EPHX3: variants seen among roughly 807,000 people sequenced by gnomAD.
EPHX3 encodes abhydrolase domain containing 9.
EPHX3 carries 39 observed loss-of-function variants against 40.2 expected under a neutral mutation model. The ratio of observed to expected loss-of-function variants is 0.97; its 90% CI spans 0.75 to 1.27. EPHX3 has a LOEUF of 1.27. EPHX3 is among the 50% of genes most tolerant of loss of function. The probability of loss-of-function intolerance (pLI) is 0.00; values close to 1 mark genes in which losing one functional copy is unlikely to be tolerated. For missense variants in EPHX3, 442 were observed against 474.0 expected, an observed-to-expected ratio of 0.93 and a Z score of 0.63; for synonymous variants, 213 against 209.7, an observed-to-expected ratio of 1.02 and a Z score of -0.14.
upstream of EPHX3, chr19:15,236,569 C>T (rs1169396760): frequency 6.5e-6 from 1 of 153,528 alleles, no homozygotes; most frequent in African/African-American, 2.4e-5. Flanking sequence ...TGTCTGGAGT[C>T]TGGCCAGGGT....
In EPHX3 at chr19:15,227,440, G is replaced by T. The variant is rs199698308; in HGVS notation, c.1080C>A (p.Asp360Glu). 3 of 1,613,656 alleles carry T rather than the reference G, an allele frequency of 1.9e-6. No individual in the cohort carries two copies. The Admixed American group carries it at 5.0e-5, about 27-fold the overall frequency. Reference protein sequence around the residue: ...YMWAFLQDLLD With the variant: ...YMWAFLQDLLE ...CTGGGCAGGCCAGCAAGGACCACTA[G>T]TCCAGCAGGTCTTGCAAGAAGGCCC... Residue 360 changes from aspartate to glutamate, a missense_variant, in exon 7 of 7, where the codon GAC (aspartate) becomes GAA (glutamate). Physicochemically the swap from Asp to Glu is conservative, Grantham distance 45 (BLOSUM62 2). Transcript: ENST00000221730.
intron 4 of EPHX3, among the ~76,000 whole-genome samples, chr19:15,228,489 C>A (rs918214767): frequency 1.3e-5 from 2 of 148,234 alleles, no homozygotes; most frequent in South Asian, 4.2e-4. Context: ...CTTAAGGAAA[C>A]CCCTGTATCT....
In EPHX3 at chr19:15,227,270, G is replaced by A. The variant is rs923107889; in HGVS notation, c.*167C>T. 5 of 625,414 alleles carry A rather than the reference G, an allele frequency of 8.0e-6. No individual in the cohort carries two copies. The highest frequency in any genetic ancestry group is 1.9e-5 in the South Asian group (1 of 52,954). 38.7% of individuals were successfully genotyped at this position (625,414 alleles called of 1,614,324 possible). A position where few individuals can be genotyped will look rare whatever the true frequency, so the allele number is the denominator to read the frequency against. ...GTGAGTATAGGGGTTGGTGTGTCCC[G>A]AGGCACCCATAGGTGCGCTTGTGTG... On this transcript the variant is annotated 3_prime_UTR_variant, in exon 7 of 7. Transcript: ENST00000221730.
chr19:15,229,303 C>G (rs916423208), intron 4 of EPHX3, among the ~76,000 whole-genome samples: 2 of 151,482 alleles, frequency 1.3e-5, no homozygotes, highest in African/African-American at 4.9e-5. Context: ...TCACTTGAAC[C>G]CAGGAGGTAG....
chr19:15,232,172 G>A lies in EPHX3; in HGVS notation c.40C>T (p.Arg14Cys). The part of the protein sequence containing the change: ...LVVTALLAPS[R>C]LSLKLLRAFM... ...GCGCGCAGCAGCTTCAGCGACAGGC[G>A]CGACGGCGCCAGCAGCGCGGTCACC... Residue 14 changes from arginine (R) to cysteine (C), a missense_variant, in exon 1 of 7, where the codon CGC (arginine) becomes TGC (cysteine). By Grantham distance (180) the Arg-to-Cys change is radical. Coordinates refer to ENST00000221730, the MANE Select transcript of EPHX3 (RefSeq NM_024794.3). 6.6e-7 allele frequency: 1 copy of A among 1,523,988 alleles called. No individual in the cohort carries two copies. The highest frequency in any genetic ancestry group is 8.7e-7 in the Non-Finnish European group (1 of 1,143,202). 94.4% of individuals were successfully genotyped at this position (1,523,988 alleles called of 1,614,324 possible).
intron 3 of EPHX3, 73 bp from the exon 4 acceptor site, chr19:15,231,163 C>T: frequency 1.9e-6 from 3 of 1,611,882 alleles, no homozygotes; most frequent in Non-Finnish European, 2.5e-6. Context: ...GAAGTAGGTT[C>T]CAGCAAGGAG....
chr19:15,236,978 G>A (rs1426352467), upstream of EPHX3: 2 of 204,482 alleles, frequency 9.8e-6, no homozygotes, highest in African/African-American at 4.7e-5. Flanking sequence ...GGGTTCTCAT[G>A]GCACGCGTAA....
rs1378729139 is a variant in EPHX3, at chr19:15,227,587, C to T, written c.933G>A (p.Glu311=). ...LLWGEKDTYL[E]LGLVEAIGSR... is the part of the protein sequence containing the mutation. ...TGCCGATGGCTTCCACCAGCCCCAG[C>T]TCCAAGTAAGTGTCCTTCTCCCCCC... The change falls in exon 7 of 7, where the codon GAG becomes GAA. Residue 311 remains glutamate, a synonymous_variant. Transcript: ENST00000221730. 1 of 1,614,116 alleles carries T rather than the reference C, an allele frequency of 6.2e-7. No individual in the cohort carries two copies.
chr19:15,229,885 C>CAAAA (rs546876108), intron 4 of EPHX3, among the ~76,000 whole-genome samples: 122 of 9,358 alleles, frequency 0.013, 18 homozygotes, highest in African/African-American at 0.041. Flanking sequence ...GACTCTGTCT[C>CAAAA]AAAAAAAAAA....
intron 2 of EPHX3, 127 bp from the exon 3 acceptor site, chr19:15,231,523 A>G: frequency 2.3e-6 from 3 of 1,292,838 alleles, no homozygotes; most frequent in Middle Eastern, 5.4e-4. Context: ...GAGGATGGGG[A>G]ATCCCAGGCA....
chr19:15,232,517 T>C, upstream of EPHX3: 2 of 1,014,176 alleles, frequency 2.0e-6, no homozygotes, highest in Non-Finnish European at 2.5e-6. Context: ...TAGCAGGTCC[T>C]GTGCGGGGCT....
rs546876108 is a variant in EPHX3 at position 15,229,885 on chromosome 19, C to CAAAAAAAA, written c.616+1069_616+1076dup. ...CTGGCGACAGAGCAAGACTCTGTCTCAAAAAAAAAAAAAAAAAAAAAAAAA... is the reference window on the plus strand; with the variant it reads ...CTGGCGACAGAGCAAGACTCTGTCTCAAAAAAAAAAAAAAAAAAAAAAAAAAAAAAAAA... On this transcript the variant is annotated intron_variant, in intron 4 of 6. Transcript: ENST00000221730. Among the ~76,000 whole-genome samples, 38 of 9,372 alleles carry CAAAAAAAA rather than the reference C, an allele frequency of 4.1e-3. 9 individuals are homozygous for CAAAAAAAA. The highest frequency in any genetic ancestry group is 0.013 in the Admixed American group (5 of 394). 6.1% of individuals were successfully genotyped at this position (9,372 alleles called of 152,430 possible).
Position 15,231,005 on chromosome 19 carries a change from C to G in EPHX3, c.573G>C (p.Glu191Asp), listed in dbSNP as rs1049601997. ...GGGCACCACTGACCACAACCATCCGCTCGACCAGGGATGGGTAGTAGATGG... is the reference window on the plus strand; with the variant it reads ...GGGCACCACTGACCACAACCATCCGGTCGACCAGGGATGGGTAGTAGATGG... ...HFSIYYPSLV[E>D]RMVVVSGAPM... Residue 191 changes from glutamate (E) to aspartate (D), a missense_variant, in exon 4 of 7, where the codon GAG becomes GAC. Physicochemically the swap from Glu to Asp is conservative, Grantham distance 45 (BLOSUM62 2). Coordinates refer to ENST00000221730, the MANE Select transcript of EPHX3 (RefSeq NM_024794.3). 1.2e-6 allele frequency: 2 copies of G among 1,614,106 alleles called. No individual in the cohort carries two copies. The highest frequency in any genetic ancestry group is 3.3e-5 in the Admixed American group (2 of 60,004).
upstream of EPHX3, among the ~76,000 whole-genome samples, chr19:15,235,329 T>C (rs959909236): frequency 6.6e-6 from 1 of 151,944 alleles, no homozygotes; most frequent in Non-Finnish European, 1.5e-5. Flanking sequence ...ACACCTTCCA[T>C]TAAATCAATT....
chr19:15,233,878 G>T (rs2047172256), upstream of EPHX3, among the ~76,000 whole-genome samples: 1 of 152,058 alleles, frequency 6.6e-6, no homozygotes, highest in Non-Finnish European at 1.5e-5. Flanking sequence ...TCCTAACATG[G>T]TGAAACCCTG....
At chr19:15,235,465 C>T (rs552500886), upstream of EPHX3, 9 of 151,892 alleles carry the variant, frequency 5.9e-5, no homozygotes, top group African/African-American at 1.7e-4. Context: ...CCGCCCTCAT[C>T]TCCCCGCTTC....
chr19:15,232,206 C>T lies in EPHX3; in HGVS notation c.6G>A (p.Pro2=). 6.6e-7 allele frequency: 1 copy of T among 1,506,220 alleles called. No homozygotes were observed. 93.3% of individuals were successfully genotyped at this position (1,506,220 alleles called of 1,614,324 possible). The change falls in exon 1 of 7, where the codon CCG becomes CCA. Residue 2 remains proline (P), a synonymous_variant. Transcript: ENST00000221730. M[P]ELVVTALLAP... is the part of the protein sequence containing the mutation. The stretch of plus-strand genomic sequence containing the variant: ...CCAGCAGCGCGGTCACCACCAGCTC[C>T]GGCATGTCGCCGCGCTCCGGGACCA...
At position 15,227,470 on chromosome 19, in the gene EPHX3, G is replaced by A. The variant is rs143196077; in HGVS notation, c.1050C>T (p.Tyr350=). 1.2e-5 allele frequency: 19 copies of A among 1,614,060 alleles called. 1 individual carries two copies. The East Asian group carries it at 2.7e-4, about 23-fold the overall frequency. ...PQSNPQEMHQ[Y]MWAFLQDLLD The stretch of plus-strand genomic sequence containing the variant: ...GCAGGTCTTGCAAGAAGGCCCACAT[G>A]TACTGGTGCATCTCCTGGGGGTTGC... The change falls in exon 7 of 7, where the codon TAC becomes TAT. Residue 350 remains tyrosine, a synonymous_variant. Coordinates refer to ENST00000221730, the MANE Select transcript of EPHX3 (RefSeq NM_024794.3).
chr19:15,232,359 C>A lies in EPHX3; in HGVS notation c.-148G>T. 7.3e-7 allele frequency: 1 copy of A among 1,373,220 alleles called. No individual in the cohort carries two copies. The highest frequency in any genetic ancestry group is 1.7e-5 in the South Asian group (1 of 59,168). The allele number at this position is 1,373,220 out of a possible 1,614,324, so 85.1% of individuals were successfully genotyped here. ...TTGTGGGACGCGCTGAAGGAAGAGG[C>A]GGGCGGCTCCGACAGAAAACAGCCA... On this transcript the variant is annotated 5_prime_UTR_variant, in exon 1 of 7. Coordinates refer to ENST00000221730, the MANE Select transcript of EPHX3 (RefSeq NM_024794.3).
Sources: allele counts gnomAD v4.1 joint callset (sites outside exome capture counted in the v4.1 genomes callset), GRCh38; gene constraint gnomAD v4.1.1; transcripts MANE v1.5; gene names NCBI Gene and HGNC (gene_info 2026-07-23, HGNC 2026-07-21).